The following PLA2G3 variants were observed in gnomAD, a reference collection of about 807,000 sequenced individuals.
PLA2G3 encodes phospholipase A2 group III, also known as group 3 secretory phospholipase A2.
Under a neutral mutation model 51.3 loss-of-function variants are expected in PLA2G3, and 39 were observed. That is an observed-to-expected ratio of 0.76 (90% confidence interval 0.59 to 0.99). PLA2G3 has a LOEUF of 0.99. Among genes scored for constraint, PLA2G3 ranks in the 50% least tolerant of loss-of-function variants. PLA2G3 has a pLI of 0.00. For synonymous variants in PLA2G3, 293 were observed against 263.1 expected (o/e 1.11, Z -1.10); for missense variants, 677 against 662.1 (o/e 1.02, Z -0.25).
At chr22:31,137,680 G>A (rs759702701) in intron 4 of PLA2G3, 30 bp downstream of exon 4, 41 of 1,549,632 alleles carry the variant, frequency 2.6e-5, no homozygotes, top group South Asian at 7.5e-5. Flanking sequence ...CCTCATGTCA[G>A]GAACCCCCAA....
chr22:31,138,378 G>A lies in PLA2G3; in HGVS notation c.680C>T (p.Ser227Phe), dbSNP rs375229188. Reference sequence around the variant, plus strand: ...GGCCACGCCCACGATGTCCGAGATGGAGTCGTGCTGATTCTGTAGGCATTG... The same window carrying A: ...GGCCACGCCCACGATGTCCGAGATGAAGTCGTGCTGATTCTGTAGGCATTG... Reference protein sequence around the residue: ...FQQCLQNQHDSISDIVGVAFF... With the variant: ...FQQCLQNQHDFISDIVGVAFF... The change falls in exon 3 of 7, where the codon TCC becomes TTC. Residue 227 changes from serine (S) to phenylalanine (F), a missense_variant. Physicochemically the swap from Ser to Phe is radical, Grantham distance 155. Transcript: ENST00000215885. The A allele has an allele frequency of 6.2e-7, 1 of 1,613,846 alleles. No homozygotes were observed. Among genetic ancestry groups the A allele is most frequent in the Non-Finnish European group, 8.5e-7 (1 of 1,179,980 alleles).
Position 31,140,074 on chromosome 22 carries a change from C to CCCCA in PLA2G3, c.277_280dup (p.Gly94ValfsTer30). 1 of 1,613,430 alleles carries CCCCA rather than the reference C, an allele frequency of 6.2e-7. No individual in the cohort carries two copies. Among genetic ancestry groups the CCCCA allele is most frequent in the Non-Finnish European group, 8.5e-7 (1 of 1,180,004 alleles). On this transcript the variant is annotated frameshift_variant, in exon 1 of 7. Transcript: ENST00000215885. LOFTEE classifies it high-confidence loss of function. ...GGGTCCGGGGGTGTGGATGAAGGAG[C>CCCCA]CCCAGGCAGTCTCATGAGCACAGAG...
chr22:31,138,868 C>A, intron 1 of PLA2G3, 69 bp from the exon 2 acceptor site: 1 of 1,532,158 alleles, frequency 6.5e-7, no homozygotes. Context: ...AGCTATGCCC[C>A]CCTGGTAGGA....
In PLA2G3 at chr22:31,138,372, G is replaced by C. The variant is rs1480774719; in HGVS notation, c.686C>G (p.Ser229Trp). 1.2e-6 allele frequency: 2 copies of C among 1,613,762 alleles called. No homozygotes were observed. Among genetic ancestry groups the C allele is most frequent in the African/African-American group, 1.3e-5 (1 of 74,896 alleles). ...GAAGAAGGCCACGCCCACGATGTCC[G>C]AGATGGAGTCGTGCTGATTCTGTAG... ...QCLQNQHDSI[S>W]DIVGVAFFNV... The change falls in exon 3 of 7, where the codon TCG becomes TGG. Residue 229 changes from serine (S) to tryptophan (W), a missense_variant. Coordinates refer to ENST00000215885, the MANE Select transcript of PLA2G3 (RefSeq NM_015715.5).
In PLA2G3 at chr22:31,140,283, G is replaced by T; in HGVS notation, c.72C>A (p.Leu24=). The part of the protein sequence containing the change: ...LGVALGGSPA[L]RWYRTSCHLT... ...AGTGGCAGGAGGTCCTGTACCAGCG[G>T]AGGGCAGGGGAGCCCCCCAGGGCCA... Residue 24 remains leucine (L), a synonymous_variant, in exon 1 of 7, where the codon CTC becomes CTA. Transcript: ENST00000215885. 6.2e-7 allele frequency: 1 copy of T among 1,611,678 alleles called. No individual in the cohort carries two copies. The highest frequency in any genetic ancestry group is 1.1e-5 in the South Asian group (1 of 91,060).
At chr22:31,137,436 G>T (rs771385253) in intron 4 of PLA2G3, among the ~76,000 whole-genome samples, 1 of 152,176 alleles carries the variant, frequency 6.6e-6, no homozygotes, top group African/African-American at 2.4e-5. Context: ...TTTGACTGGG[G>T]GTAGGGTCTG....
Position 31,136,789 on chromosome 22 carries a change from A to G in PLA2G3, c.1210T>C (p.Phe404Leu). Reference protein sequence around the residue: ...HCNCTRRLARFLRLHSPPEVT... With the variant: ...HCNCTRRLARLLRLHSPPEVT... ...TCGGGTGGGCTGTGGAGCCTCAGGA[A>G]GCGTGCCAGACTGAGAACAGAGGCA... The change falls in exon 6 of 7, where the codon TTC becomes CTC. Residue 404 changes from phenylalanine (F) to leucine (L), a missense_variant. Physicochemically the swap from Phe to Leu is conservative, Grantham distance 22. Coordinates refer to ENST00000215885, the MANE Select transcript of PLA2G3 (RefSeq NM_015715.5). The G allele has an allele frequency of 6.2e-7, 1 of 1,611,828 alleles. No homozygotes were observed. Among genetic ancestry groups the G allele is most frequent in the Non-Finnish European group, 8.5e-7 (1 of 1,179,218 alleles).
Position 31,140,104 on chromosome 22 carries a change from C to A in PLA2G3, c.251G>T (p.Gly84Val), listed in dbSNP as rs776220826. 9 of 1,613,198 alleles carry A rather than the reference C, an allele frequency of 5.6e-6. No individual in the cohort carries two copies. The highest frequency in any genetic ancestry group is 7.6e-6 in the Non-Finnish European group (9 of 1,180,032). ...GGCAGTCTCATGAGCACAGAGAGCA[C>A]CGTAGGCTGCGGTGAGCTCCGGCTC... is the stretch of plus-strand genomic sequence containing the variant. The part of the protein sequence containing the change: ...EDEPELTAAY[G>V]ALCAHETAWG... The change falls in exon 1 of 7, where the codon GGT (glycine) becomes GTT (valine). Residue 84 changes from glycine to valine, a missense_variant. By Grantham distance (109) the Gly-to-Val change is moderately radical (BLOSUM62 -3). Transcript: ENST00000215885.
chr22:31,140,286 G>T lies in PLA2G3; in HGVS notation c.69C>A (p.Ala23=). 6.2e-7 allele frequency: 1 copy of T among 1,611,854 alleles called. No homozygotes were observed. The highest frequency in any genetic ancestry group is 1.1e-5 in the South Asian group (1 of 91,078). The part of the protein sequence containing the change: ...FLGVALGGSP[A]LRWYRTSCHL... ...GGCAGGAGGTCCTGTACCAGCGGAG[G>T]GCAGGGGAGCCCCCCAGGGCCACCC... Residue 23 remains alanine, a synonymous_variant, in exon 1 of 7, where the codon GCC becomes GCA. Coordinates refer to ENST00000215885, the MANE Select transcript of PLA2G3 (RefSeq NM_015715.5).
At position 31,138,399 on chromosome 22, in the gene PLA2G3, C is replaced by T; in HGVS notation, c.659G>A (p.Cys220Tyr). ...HCDCDTRFQQ[C>Y]LQNQHDSISD... ...GATGGAGTCGTGCTGATTCTGTAGG[C>T]ATTGCTGAAACCTGCCCCAGAACAG... The change falls in exon 3 of 7, where the codon TGC (cysteine) becomes TAC (tyrosine). Residue 220 changes from cysteine (C) to tyrosine (Y), a missense_variant. Transcript: ENST00000215885. 6.2e-7 allele frequency: 1 copy of T among 1,613,898 alleles called. No individual in the cohort carries two copies.
At chr22:31,136,378 A>G (rs1922560936) in intron 6 of PLA2G3, among the ~76,000 whole-genome samples, 1 of 152,174 alleles carries the variant, frequency 6.6e-6, no homozygotes, top group South Asian at 2.1e-4. Flanking sequence ...GGCATGACCT[A>G]TGTGCATCCT....
At position 31,135,058 on chromosome 22, in the gene PLA2G3, T is replaced by C. The variant is rs1922477329; in HGVS notation, c.*665A>G. On this transcript the variant is annotated 3_prime_UTR_variant, in exon 7 of 7. Coordinates refer to ENST00000215885, the MANE Select transcript of PLA2G3 (RefSeq NM_015715.5). ...AGGTAGCTCCTGTTTAGAGACCCCC[T>C]TTTTTTAGAGGAGGAAACTAAGGCT... 1 of 152,674 alleles carries C rather than the reference T, an allele frequency of 6.5e-6. No individual in the cohort carries two copies. The highest frequency in any genetic ancestry group is 2.1e-4 in the South Asian group (1 of 4,838). The allele number at this position is 152,674 out of a possible 1,614,324, so 9.5% of individuals were successfully genotyped here.
In PLA2G3 at chr22:31,138,776, A is replaced by C. The variant is rs754092779; in HGVS notation, c.538T>G (p.Cys180Gly). The C allele has an allele frequency of 4.6e-5, 75 of 1,614,020 alleles. No homozygotes were observed. Among genetic ancestry groups the C allele is most frequent in the Non-Finnish European group, 6.2e-5 (73 of 1,180,026 alleles). Residue 180 changes from cysteine to glycine, a missense_variant, in exon 2 of 7, where the codon TGT becomes GGT. Cys to Gly is a radical substitution (Grantham distance 159). Coordinates refer to ENST00000215885, the MANE Select transcript of PLA2G3 (RefSeq NM_015715.5). ...ELGVFQGPDL[C>G]CREHDRCPQN... ...GGGCAGCGGTCATGTTCCCGGCAAC[A>C]GAGATCAGGTCCCTGGAAGACCCCT... is the stretch of plus-strand genomic sequence containing the variant.
chr22:31,138,362 CA>C lies in PLA2G3; in HGVS notation c.695del (p.Val232GlyfsTer121). 1.2e-6 allele frequency: 2 copies of C among 1,613,974 alleles called. No individual in the cohort carries two copies. Among genetic ancestry groups the C allele is most frequent in the Non-Finnish European group, 1.7e-6 (2 of 1,179,974 alleles). On this transcript the variant is annotated frameshift_variant, in exon 3 of 7. Transcript: ENST00000215885. LOFTEE classifies it high-confidence loss of function. ...QNQHDSISDI[V>X]GVAFFNVLEI... ...CCAGCACGTTGAAGAAGGCCACGCC[CA>C]CGATGTCCGAGATGGAGTCGTGCTG... is the stretch of plus-strand genomic sequence containing the variant.
chr22:31,137,044 A>C lies in PLA2G3; in HGVS notation c.1067-4T>G. The C allele has an allele frequency of 6.5e-7, 1 of 1,529,378 alleles. No homozygotes were observed. The highest frequency in any genetic ancestry group is 8.8e-7 in the Non-Finnish European group (1 of 1,136,868). 94.7% of individuals were successfully genotyped at this position (1,529,378 alleles called of 1,614,324 possible). A position where few individuals can be genotyped will look rare whatever the true frequency, so the allele number is the denominator to read the frequency against. On this transcript the variant is annotated splice_polypyrimidine_tract_variant and splice_region_variant and intron_variant, in intron 4 of 6. Coordinates refer to ENST00000215885, the MANE Select transcript of PLA2G3 (RefSeq NM_015715.5). ...CTGCGGCAGACCCAGCGGGCACCTG[A>C]GGGGTGGATGTGGTGTTGATGGGAG...
chr22:31,136,847 G>A (rs751701471), intron 5 of PLA2G3, 48 bp from the exon 6 acceptor site: 1 of 1,600,808 alleles, frequency 6.2e-7, no homozygotes, highest in Non-Finnish European at 8.5e-7. Context: ...TGCCAGCCAG[G>A]GGCCCCTTCC....
chr22:31,138,111 T>C (rs1399983798), intron 3 of PLA2G3, 118 bp from the exon 4 acceptor site: 2 of 1,352,420 alleles, frequency 1.5e-6, no homozygotes, highest in Non-Finnish European at 2.0e-6. Flanking sequence ...CGCTGGGTTG[T>C]GGGGGACACC....
At position 31,140,023 on chromosome 22, in the gene PLA2G3, A is replaced by G. The variant is rs763267306; in HGVS notation, c.332T>C (p.Leu111Pro). Residue 111 changes from leucine (L) to proline (P), a missense_variant, in exon 1 of 7, where the codon CTT (leucine) becomes CCT (proline). By Grantham distance (98) the Leu-to-Pro change is moderately conservative. Coordinates refer to ENST00000215885, the MANE Select transcript of PLA2G3 (RefSeq NM_015715.5). ...GPELQRALATLQSQWEACRAL... is the reference protein window; with the variant it reads ...GPELQRALATPQSQWEACRAL... Reference sequence around the variant, plus strand: ...TCGGCATGCCTCCCACTGACTCTGAAGAGTGGCCAGTGCTCTCTGCAGCTC... The same window carrying G: ...TCGGCATGCCTCCCACTGACTCTGAGGAGTGGCCAGTGCTCTCTGCAGCTC... 1.5e-5 allele frequency: 25 copies of G among 1,613,614 alleles called. 1 individual carries two copies. The South Asian group carries it at 2.5e-4, about 16-fold the overall frequency.
chr22:31,140,231 G>A lies in PLA2G3; in HGVS notation c.124C>T (p.Leu42=), dbSNP rs745327229. ...TTGGCCAGGAAGCTCAGGTACCCCA[G>A]TGGGTTGCCAGGGACGGCCTTGGTC... ...HLTKAVPGNP[L]GYLSFLAKDA... The change falls in exon 1 of 7, where the codon CTG becomes TTG. Residue 42 remains leucine (L), a synonymous_variant. Coordinates refer to ENST00000215885, the MANE Select transcript of PLA2G3 (RefSeq NM_015715.5). The A allele has an allele frequency of 3.3e-5, 54 of 1,612,694 alleles. 1 individual carries two copies. The highest frequency in any genetic ancestry group is 2.7e-4 in the South Asian group (25 of 91,088).
Sources: allele counts gnomAD v4.1 joint callset (sites outside exome capture counted in the v4.1 genomes callset), GRCh38; gene constraint gnomAD v4.1.1; transcripts MANE v1.5; gene names NCBI Gene and HGNC (gene_info 2026-07-23, HGNC 2026-07-21).